The following ZNF664 variants were observed in gnomAD, a reference collection of about 807,000 sequenced individuals.
ZNF664 encodes zinc finger protein 664.
A neutral mutation model predicts 18.2 loss-of-function variants in ZNF664; 10 were observed. The ratio of observed to expected loss-of-function variants is 0.55; its 90% CI spans 0.34 to 0.93. The LOEUF is 0.93. Among genes scored for constraint, ZNF664 ranks in the 40% least tolerant of loss-of-function variants. ZNF664 has a pLI of 0.02. For synonymous variants in ZNF664, 119 were observed against 104.2 expected (o/e 1.14, Z -0.86); for missense variants, 193 against 319.0 (o/e 0.61, Z 3.01).
At chr12:123,998,276 T>A (rs1377574763) in intron 3 of ZNF664, 2 of 152,216 alleles carry the variant, frequency 1.3e-5, no homozygotes, top group African/African-American at 4.8e-5. Flanking sequence ...CTGTTTTTCC[T>A]AAAAGATAGA....
At chr12:124,003,745 C>A (rs1008750907) in intron 3 of ZNF664, among the ~76,000 whole-genome samples, 1 of 151,892 alleles carries the variant, frequency 6.6e-6, no homozygotes, top group African/African-American at 2.4e-5. Flanking sequence ...TTATCAGCCA[C>A]GAGTGAGGGA....
chr12:123,988,015 T>G, intron 2 of ZNF664, 28 bp from the exon 3 acceptor site: 1 of 1,231,280 alleles, frequency 8.1e-7, no homozygotes, highest in Non-Finnish European at 1.0e-6. Flanking sequence ...AATAAACCCA[T>G]TTTTCTCTTT....
At chr12:123,973,833 G>A in intron 1 of ZNF664, 53 bp from the exon 2 acceptor site, 1 of 1,174,928 alleles carries the variant, frequency 8.5e-7, no homozygotes, top group Non-Finnish European at 1.1e-6. Flanking sequence ...GGGGACCGGG[G>A]AGCCGGGCGG....
intron 3 of ZNF664, among the ~76,000 whole-genome samples, chr12:123,999,985 T>C (rs1956992806): frequency 6.6e-6 from 1 of 152,142 alleles, no homozygotes; most frequent in Admixed American, 6.5e-5. Context: ...ATGATTCTGT[T>C]AGCATGTGAA....
At chr12:123,990,744 C>T (rs1207582393) in intron 3 of ZNF664, among the ~76,000 whole-genome samples, 1 of 152,212 alleles carries the variant, frequency 6.6e-6, no homozygotes. Context: ...AGACTGGTCC[C>T]TTGAGGGAGA....
intron 2 of ZNF664, among the ~76,000 whole-genome samples, chr12:123,986,148 G>C (rs1956822258): frequency 6.6e-6 from 1 of 151,392 alleles, no homozygotes; most frequent in African/African-American, 2.4e-5. Context: ...CCCAGAATCT[G>C]TTTGTTTGTG....
At position 123,988,144 on chromosome 12, in the gene ZNF664, T is replaced by G; in HGVS notation, c.-661+6T>G. Reference sequence around the variant, plus strand: ...GTTTTGATCCTGTCACTGTGGTAAGTTTTCCCCTTGTTTCACCATTTGTCC... The same window carrying G: ...GTTTTGATCCTGTCACTGTGGTAAGGTTTCCCCTTGTTTCACCATTTGTCC... On this transcript the variant is annotated splice_donor_region_variant and intron_variant, in intron 3 of 4. Coordinates refer to ENST00000337815, the MANE Select transcript of ZNF664 (RefSeq NM_152437.3). 8.1e-7 allele frequency: 1 copy of G among 1,231,474 alleles called. No individual in the cohort carries two copies. Among genetic ancestry groups the G allele is most frequent in the East Asian group, 3.2e-5 (1 of 31,702 alleles). The allele number at this position is 1,231,474 out of a possible 1,614,324, so 76.3% of individuals were successfully genotyped here.
chr12:123,988,583 G>T (rs929571466), intron 3 of ZNF664, among the ~76,000 whole-genome samples: 2 of 147,994 alleles, frequency 1.4e-5, no homozygotes, highest in African/African-American at 2.5e-5. Context: ...AATTTCTGGT[G>T]TTTTTTTTTT....
At chr12:123,990,044 TAAA>T (rs1292849118) in intron 3 of ZNF664, among the ~76,000 whole-genome samples, 1 of 152,194 alleles carries the variant, frequency 6.6e-6, no homozygotes, top group Non-Finnish European at 1.5e-5. Context: ...GACCCAGGTA[TAAA>T]AATAGCCAGA....
At chr12:124,010,805 C>A (rs1326056254) in intron 3 of ZNF664, among the ~76,000 whole-genome samples, 2 of 152,102 alleles carry the variant, frequency 1.3e-5, no homozygotes, top group Admixed American at 1.3e-4. Flanking sequence ...AGAGTCTAGC[C>A]GGGGGGCCTC....
chr12:123,978,553 G>A (rs949780314), intron 2 of ZNF664, among the ~76,000 whole-genome samples: 3 of 152,102 alleles, frequency 2.0e-5, no homozygotes, highest in Non-Finnish European at 4.4e-5. Flanking sequence ...TTCCTGGAGG[G>A]GAAGGCATCA....
At chr12:123,979,726 T>C (rs1169189695) in intron 2 of ZNF664, among the ~76,000 whole-genome samples, 1 of 152,202 alleles carries the variant, frequency 6.6e-6, no homozygotes, top group African/African-American at 2.4e-5. Context: ...TTGCCTAGGC[T>C]GGAGTGCAGT....
chr12:123,973,801 A>G, intron 1 of ZNF664, 85 bp from the exon 2 acceptor site: 1 of 1,194,184 alleles, frequency 8.4e-7, no homozygotes. Context: ...GGGTCCCGGG[A>G]GAGGCGGTCA....
At chr12:124,011,518 A>T in intron 4 of ZNF664, 28 bp from the exon 5 acceptor site, 1 of 799,370 alleles carries the variant, frequency 1.3e-6, no homozygotes, top group South Asian at 5.6e-5. Context: ...AAGCATTTTC[A>T]ATTTATTTAT....
Position 124,012,570 on chromosome 12 carries a change from C to A in ZNF664, c.426C>A (p.Pro142=), listed in dbSNP as rs1444551153. 6.2e-7 allele frequency: 1 copy of A among 1,613,952 alleles called. No individual in the cohort carries two copies. The change falls in exon 5 of 5, where the codon CCC becomes CCA. Residue 142 remains proline (P), a synonymous_variant. Transcript: ENST00000337815. ...MHQRVHTGEK[P]FKCEECGKAF... ...AGAGAGTCCACACCGGAGAGAAGCC[C>A]TTTAAATGTGAAGAGTGTGGGAAGG... is the stretch of plus-strand genomic sequence containing the variant.
At chr12:123,993,781 T>C (rs1956915263) in intron 3 of ZNF664, among the ~76,000 whole-genome samples, 1 of 152,190 alleles carries the variant, frequency 6.6e-6, no homozygotes, top group South Asian at 2.1e-4. Flanking sequence ...TTGTTTTATC[T>C]GCTGAGACTT....
intron 3 of ZNF664, among the ~76,000 whole-genome samples, chr12:124,003,932 G>A (rs757099743): frequency 7.2e-5 from 11 of 152,224 alleles, no homozygotes; most frequent in Non-Finnish European, 1.3e-4. Flanking sequence ...ACTTGGGTGC[G>A]TGTATGGATA....
intron 2 of ZNF664, among the ~76,000 whole-genome samples, chr12:123,987,251 T>TA (rs1956836263): frequency 6.6e-6 from 1 of 152,228 alleles, no homozygotes; most frequent in African/African-American, 2.4e-5. Context: ...CACATGTAGA[T>TA]ACGGCAGCAG....
At chr12:123,973,479 T>G in intron 1 of ZNF664, 127 bp downstream of exon 1, 4 of 549,722 alleles carry the variant, frequency 7.3e-6, no homozygotes, top group African/African-American at 2.1e-5. Context: ...AAACAACCCA[T>G]CCCGGAGGAT....
Sources: allele counts gnomAD v4.1 joint callset (sites outside exome capture counted in the v4.1 genomes callset), GRCh38; gene constraint gnomAD v4.1.1; transcripts MANE v1.5; gene names NCBI Gene and HGNC (gene_info 2026-07-23, HGNC 2026-07-21).